The following SCGB2B2 variants were observed in gnomAD, a reference collection of about 807,000 sequenced individuals.
SCGB2B2 encodes secretoglobin-like protein.
Under a neutral mutation model 7.6 loss-of-function variants are expected in SCGB2B2, and 11 were observed. The observed-to-expected ratio is 1.45, with a 90% CI of 0.91 to 2.40. The LOEUF is 2.40. Among genes scored for constraint, SCGB2B2 ranks in the 30% most tolerant of loss-of-function variants. The pLI is 0.00. For missense variants in SCGB2B2, 104 were observed against 115.4 expected, an observed-to-expected ratio of 0.90 and a Z score of 0.45; for synonymous variants, 50 against 48.6, an observed-to-expected ratio of 1.03 and a Z score of -0.12.
intron 1 of SCGB2B2, among the ~76,000 whole-genome samples, chr19:34,654,249 G>A (rs2067230897): frequency 6.6e-6 from 1 of 150,848 alleles, no homozygotes; most frequent in Non-Finnish European, 1.5e-5. Context: ...AACTTAATAG[G>A]TTAATGAAGA....
intron 1 of SCGB2B2, among the ~76,000 whole-genome samples, chr19:34,662,138 C>T (rs2067474231): frequency 6.6e-6 from 1 of 152,048 alleles, no homozygotes; most frequent in Non-Finnish European, 1.5e-5. Context: ...CCTTGGCCTC[C>T]CAAAGTGCTG....
At chr19:34,638,055 G>A (rs1250533167) in intron 1 of SCGB2B2, 2 of 152,202 alleles carry the variant, frequency 1.3e-5, no homozygotes, top group African/African-American at 2.4e-5. Flanking sequence ...AAGTTATAAA[G>A]TAGTTATATA....
chr19:34,613,609 TTTG>T (rs1204842700), intron 1 of SCGB2B2, among the ~76,000 whole-genome samples: 1 of 152,248 alleles, frequency 6.6e-6, no homozygotes, highest in African/African-American at 2.4e-5. Flanking sequence ...GTGTATATCC[TTTG>T]TTGTTTTCTT....
At chr19:34,606,959 A>C (rs1203618488) in intron 1 of SCGB2B2, among the ~76,000 whole-genome samples, 1 of 152,194 alleles carries the variant, frequency 6.6e-6, no homozygotes, top group Non-Finnish European at 1.5e-5. Context: ...CGTGGCCACC[A>C]CGCTGTCCAT....
At chr19:34,664,358 A>G (rs2146161593) in intron 1 of SCGB2B2, among the ~76,000 whole-genome samples, 1 of 152,320 alleles carries the variant, frequency 6.6e-6, no homozygotes, top group South Asian at 2.1e-4. Flanking sequence ...TGGGTCCCTT[A>G]GAAGATGCTC....
rs114655076 is a variant in SCGB2B2, at chr19:34,592,701, G to A, written c.*854C>T. 0.023 allele frequency among the ~76,000 whole-genome samples: 3,432 copies of A among 152,230 alleles called. 107 individuals are homozygous for A. The highest frequency in any genetic ancestry group is 0.077 in the African/African-American group (3,210 of 41,494). ...AGGGGTGAGGTGGGAGAGAGGGGCC[G>A]TGTTTGAGGGTGGCACTCGTTCCCT... On this transcript the variant is annotated 3_prime_UTR_variant, in exon 4 of 4. Transcript: ENST00000601241.
At chr19:34,627,474 C>T (rs534370808) in intron 1 of SCGB2B2, among the ~76,000 whole-genome samples, 341 of 152,142 alleles carry the variant, frequency 2.2e-3, no homozygotes, top group African/African-American at 7.8e-3. Flanking sequence ...ATCCTAGTCT[C>T]GGATAAAACA....
chr19:34,670,132 A>C (rs1436960080), intron 1 of SCGB2B2, among the ~76,000 whole-genome samples: 1 of 152,192 alleles, frequency 6.6e-6, no homozygotes, highest in African/African-American at 2.4e-5. Flanking sequence ...ATTCAGTGCC[A>C]GTTGGTTGTA....
At chr19:34,610,443 G>A (rs2065895943) in intron 1 of SCGB2B2, among the ~76,000 whole-genome samples, 2 of 152,082 alleles carry the variant, frequency 1.3e-5, no homozygotes, top group Admixed American at 1.3e-4. Context: ...TTGGCGATGG[G>A]TTTGCCATAT....
chr19:34,597,282 G>C (rs1404467282), intron 1 of SCGB2B2, among the ~76,000 whole-genome samples: 3 of 152,124 alleles, frequency 2.0e-5, no homozygotes, highest in Non-Finnish European at 4.4e-5. Flanking sequence ...GCCCACCTGA[G>C]GTTACCTGGC....
chr19:34,668,571 C>CCGGTG (rs2067706146), intron 1 of SCGB2B2, among the ~76,000 whole-genome samples: 1 of 152,224 alleles, frequency 6.6e-6, no homozygotes, highest in South Asian at 2.1e-4. Context: ...ACCTGTGGCC[C>CCGGTG]CGGTGCGGGA....
chr19:34,625,506 G>T (rs574640626), intron 1 of SCGB2B2, among the ~76,000 whole-genome samples: 2 of 152,208 alleles, frequency 1.3e-5, no homozygotes, highest in Non-Finnish European at 2.9e-5. Flanking sequence ...CTACAACCAC[G>T]GAGCCTCGCT....
At chr19:34,607,660 G>A (rs138051224) in intron 1 of SCGB2B2, among the ~76,000 whole-genome samples, 1 of 152,296 alleles carries the variant, frequency 6.6e-6, no homozygotes, top group East Asian at 1.9e-4. Context: ...GTGTAAGGTG[G>A]TATGTTGTGG....
At chr19:34,620,231 A>ATG (rs2145891201) in intron 1 of SCGB2B2, among the ~76,000 whole-genome samples, 1 of 152,306 alleles carries the variant, frequency 6.6e-6, no homozygotes, top group South Asian at 2.1e-4. Context: ...ATGTACACAT[A>ATG]TGTTTATTGT....
chr19:34,593,521 G>A lies in SCGB2B2; in HGVS notation c.*34C>T. The A allele has an allele frequency of 1.3e-6, 2 of 1,526,850 alleles. No homozygotes were observed. The highest frequency in any genetic ancestry group is 1.2e-5 in the South Asian group (1 of 83,570). The allele number at this position is 1,526,850 out of a possible 1,614,324, so 94.6% of individuals were successfully genotyped here. A position where few individuals can be genotyped will look rare whatever the true frequency, so the allele number is the denominator to read the frequency against. On this transcript the variant is annotated 3_prime_UTR_variant, in exon 4 of 4. Transcript: ENST00000601241. ...ACGCGGGGAGCCCCAAGGAAGGCAG[G>A]AGGGCCAATATCTGATCTGCAGGGG...
At chr19:34,599,169 C>G (rs143917587) in intron 1 of SCGB2B2, among the ~76,000 whole-genome samples, 138 of 152,336 alleles carry the variant, frequency 9.1e-4, no homozygotes, top group African/African-American at 3.2e-3. Flanking sequence ...AGAGATGAGG[C>G]TTTCTAGAAG....
At chr19:34,650,157 G>A (rs964638838) in intron 1 of SCGB2B2, among the ~76,000 whole-genome samples, 3 of 151,472 alleles carry the variant, frequency 2.0e-5, no homozygotes, top group Non-Finnish European at 4.4e-5. Context: ...GAGGTGGAGC[G>A]TCTGACCCTT....
chr19:34,639,093 C>T (rs983593600), intron 1 of SCGB2B2, among the ~76,000 whole-genome samples: 1 of 152,206 alleles, frequency 6.6e-6, no homozygotes, highest in African/African-American at 2.4e-5. Context: ...TAATTTTCTT[C>T]TGCCCCAATT....
chr19:34,648,321 A>G (rs1294243353), intron 1 of SCGB2B2, among the ~76,000 whole-genome samples: 1 of 152,266 alleles, frequency 6.6e-6, no homozygotes, highest in African/African-American at 2.4e-5. Flanking sequence ...AGACACACAT[A>G]ACATTCAGCT....
Sources: allele counts gnomAD v4.1 joint callset (sites outside exome capture counted in the v4.1 genomes callset), GRCh38; gene constraint gnomAD v4.1.1; transcripts MANE v1.5; gene names NCBI Gene and HGNC (gene_info 2026-07-23, HGNC 2026-07-21).